KCNU1: variants seen among roughly 807,000 people sequenced by gnomAD.
KCNU1 encodes potassium channel subfamily U member 1.
Under a neutral mutation model 126.8 loss-of-function variants are expected in KCNU1, and 93 were observed. The observed-to-expected ratio is 0.73, with a 90% CI of 0.62 to 0.87. The LOEUF is 0.87. Among genes scored for constraint, KCNU1 ranks in the 40% least tolerant of loss-of-function variants. The pLI is 0.00. For missense variants in KCNU1, 1,330 were observed against 1,367.1 expected (o/e 0.97, Z 0.43); for synonymous variants, 523 against 494.2 (o/e 1.06, Z -0.77).
Position 36,840,973 on chromosome 8 carries a change from A to G in KCNU1, c.1673A>G (p.Glu558Gly). 6.2e-7 allele frequency: 1 copy of G among 1,611,956 alleles called. No homozygotes were observed. The highest frequency in any genetic ancestry group is 1.7e-4 in the Middle Eastern group (1 of 6,052). Residue 558 changes from glutamate to glycine, a missense_variant, in exon 16 of 27, where the codon GAA becomes GGA. Glu to Gly is a moderately conservative substitution (Grantham distance 98). This residue lies in a region of KCNU1 where 1,054 missense variants were observed against 1,053.9 expected (regional missense o/e 1.00). Transcript: ENST00000399881. ...LKMHLLLIAI[E>G]YKSLFTDGFC... is the part of the protein sequence containing the mutation. ...ATGCACCTCCTGTTGATAGCCATCG[A>G]ATACAAGTCCCTCTTTACGGATGGT...
intron 24 of KCNU1, chr8:36,928,892 A>G (rs1808611936): frequency 1.6e-6 from 1 of 621,450 alleles, no homozygotes; most frequent in Non-Finnish European, 2.9e-6. Flanking sequence ...TCCTGTCCAT[A>G]TATTCTGATC....
intron 7 of KCNU1, among the ~76,000 whole-genome samples, chr8:36,813,051 A>T (rs528018763): frequency 6.6e-6 from 1 of 152,290 alleles, no homozygotes; most frequent in South Asian, 2.1e-4. Context: ...GTGTGACTTA[A>T]ATTTGGTTTT....
chr8:36,812,229 A>C (rs1803745043), intron 7 of KCNU1, among the ~76,000 whole-genome samples: 1 of 151,328 alleles, frequency 6.6e-6, no homozygotes, highest in Non-Finnish European at 1.5e-5. Context: ...AAAATAGAAA[A>C]ATTAGTCAGG....
intron 19 of KCNU1, among the ~76,000 whole-genome samples, chr8:36,895,165 G>GC (rs915000553): frequency 3.3e-5 from 5 of 150,878 alleles, no homozygotes; most frequent in Admixed American, 1.3e-4. Context: ...TCAGCTCACT[G>GC]CCCCCCCAGT....
At chr8:36,886,777 T>G (rs1397982079) in intron 19 of KCNU1, among the ~76,000 whole-genome samples, 3 of 152,130 alleles carry the variant, frequency 2.0e-5, no homozygotes, top group Non-Finnish European at 4.4e-5. Flanking sequence ...CAATATGTAG[T>G]TTTTTATCCC....
At chr8:36,858,148 T>C (rs922842450) in intron 18 of KCNU1, among the ~76,000 whole-genome samples, 1 of 124,618 alleles carries the variant, frequency 8.0e-6, no homozygotes, top group Non-Finnish European at 1.6e-5. Context: ...TACTTCCCCT[T>C]GAAAGTCTAA....
At chr8:36,908,475 A>G (rs902064981) in intron 20 of KCNU1, among the ~76,000 whole-genome samples, 2 of 150,832 alleles carry the variant, frequency 1.3e-5, no homozygotes, top group Non-Finnish European at 3.0e-5. Flanking sequence ...GCACCCATTA[A>G]CTTGTCATTT....
intron 2 of KCNU1, among the ~76,000 whole-genome samples, chr8:36,792,549 G>T (rs996555438): frequency 6.6e-6 from 1 of 152,166 alleles, no homozygotes; most frequent in Non-Finnish European, 1.5e-5. Context: ...CATTGATGAA[G>T]CTGCGAACTC....
intron 16 of KCNU1, among the ~76,000 whole-genome samples, chr8:36,842,532 G>A (rs1243875011): frequency 6.6e-6 from 1 of 152,216 alleles, no homozygotes; most frequent in Non-Finnish European, 1.5e-5. Context: ...ACTAGAAACA[G>A]GTCATAGTAA....
chr8:36,816,461 A>C (rs1284185473), intron 9 of KCNU1, among the ~76,000 whole-genome samples: 1 of 152,180 alleles, frequency 6.6e-6, no homozygotes, highest in Non-Finnish European at 1.5e-5. Flanking sequence ...GCAGTCTCTT[A>C]ATACAGTTGG....
In KCNU1 at chr8:36,794,513, C is replaced by A. The variant is rs78384441; in HGVS notation, c.315+7088C>A. Among the ~76,000 whole-genome samples, 1,390 of 151,724 alleles carry A rather than the reference C, an allele frequency of 9.2e-3. 19 individuals are homozygous for A. The highest frequency in any genetic ancestry group is 0.03 in the African/African-American group (1,246 of 41,344). On this transcript the variant is annotated intron_variant, in intron 2 of 26. Transcript: ENST00000399881. The stretch of plus-strand genomic sequence containing the variant: ...TTTTTTCCAATTTATCTTAATTTTC[C>A]TTTTCTCCCCCTCTAGTCAGTTATA...
intron 19 of KCNU1, among the ~76,000 whole-genome samples, chr8:36,869,913 G>A (rs1354131048): frequency 6.6e-5 from 10 of 152,174 alleles, no homozygotes; most frequent in Non-Finnish European, 1.3e-4. Context: ...TCAAGACCTC[G>A]CAAGATTTAA....
intron 18 of KCNU1, among the ~76,000 whole-genome samples, chr8:36,848,053 C>A (rs887845466): frequency 6.6e-6 from 1 of 152,076 alleles, no homozygotes; most frequent in Non-Finnish European, 1.5e-5. Context: ...TTTTGATTTG[C>A]ATTTCTTTGA....
At chr8:36,828,947 A>G (rs778880424) in intron 10 of KCNU1, among the ~76,000 whole-genome samples, 7 of 152,166 alleles carry the variant, frequency 4.6e-5, no homozygotes, top group Non-Finnish European at 1.0e-4. Context: ...ATATGTTTTA[A>G]GCTTTGCAAT....
At chr8:36,805,117 C>T (rs746170162) in intron 3 of KCNU1, 78 bp from the exon 4 acceptor site, 1 of 965,106 alleles carries the variant, frequency 1.0e-6, no homozygotes, top group Non-Finnish European at 1.6e-6. Context: ...TTTTCCTATT[C>T]TTTCCCTTTA....
At chr8:36,808,232 C>A (rs763266602) in intron 6 of KCNU1, among the ~76,000 whole-genome samples, 1 of 152,108 alleles carries the variant, frequency 6.6e-6, no homozygotes, top group Non-Finnish European at 1.5e-5. Flanking sequence ...CACTTAAAGA[C>A]CTTGTTATCA....
At chr8:36,818,378 T>A (rs1803998206) in intron 10 of KCNU1, among the ~76,000 whole-genome samples, 1 of 152,196 alleles carries the variant, frequency 6.6e-6, no homozygotes, top group Non-Finnish European at 1.5e-5. Context: ...TTTCATCCTC[T>A]CCTATTAAGT....
intron 22 of KCNU1, among the ~76,000 whole-genome samples, chr8:36,915,072 C>T (rs1346956636): frequency 6.6e-6 from 1 of 152,162 alleles, no homozygotes; most frequent in Non-Finnish European, 1.5e-5. Context: ...CATACAGCTG[C>T]TTCAGCTGAT....
At chr8:36,907,419 G>T (rs1425479786) in intron 20 of KCNU1, among the ~76,000 whole-genome samples, 1 of 152,094 alleles carries the variant, frequency 6.6e-6, no homozygotes, top group Non-Finnish European at 1.5e-5. Flanking sequence ...ACTCAGAAAA[G>T]CAATTGTTGG....
Sources: gnomAD v4.1 joint callset for allele counts (sites outside exome capture counted in the v4.1 genomes callset) on GRCh38, gnomAD v4.1.1 for gene constraint, gnomAD v4.1.1 regional missense constraint, MANE v1.5 for transcripts, NCBI Gene and HGNC (gene_info 2026-07-23, HGNC 2026-07-21) for gene names.